Variants in GNAQ observed in about 807,000 individuals in gnomAD.
The protein encoded by GNAQ is guanine nucleotide-binding protein G(q) subunit alpha.
Under a neutral mutation model 43.9 loss-of-function variants are expected in GNAQ, and 8 were observed. The ratio of observed to expected loss-of-function variants is 0.18; its 90% CI spans 0.11 to 0.33. GNAQ has a LOEUF of 0.33. Among genes scored for constraint, GNAQ ranks in the 10% least tolerant of loss-of-function variants. The probability of loss-of-function intolerance (pLI) is 1.00; values close to 1 mark genes in which losing one functional copy is unlikely to be tolerated. For synonymous variants in GNAQ, 155 were observed against 170.7 expected (o/e 0.91, Z 0.71); for missense variants, 158 against 450.8 (o/e 0.35, Z 5.88).
chr9:77,907,225 T>C (rs58551108), intron 2 of GNAQ, among the ~76,000 whole-genome samples: 6,997 of 152,188 alleles, frequency 0.046, 577 homozygotes, highest in African/African-American at 0.16. Context: ...GAGTTGTGCA[T>C]TTCATTATCC....
intron 1 of GNAQ, among the ~76,000 whole-genome samples, chr9:77,970,941 G>A (rs1823230191): frequency 6.6e-6 from 1 of 151,852 alleles, no homozygotes; most frequent in African/African-American, 2.4e-5. Context: ...AATGATAAAG[G>A]GGATATCACC....
chr9:77,796,748 T>C (rs1272266494), intron 4 of GNAQ, among the ~76,000 whole-genome samples: 1 of 152,194 alleles, frequency 6.6e-6, no homozygotes, highest in Non-Finnish European at 1.5e-5. Context: ...TTCTTGCTAC[T>C]GAAAAATTTT....
intron 1 of GNAQ, among the ~76,000 whole-genome samples, chr9:77,946,592 A>C (rs564204331): frequency 1.5e-4 from 23 of 152,328 alleles, no homozygotes; most frequent in African/African-American, 5.1e-4. Flanking sequence ...TGACTGCTGG[A>C]AAAACCAGTC....
intron 2 of GNAQ, among the ~76,000 whole-genome samples, chr9:77,888,962 C>G (rs1828354892): frequency 6.6e-6 from 1 of 152,104 alleles, no homozygotes; most frequent in African/African-American, 2.4e-5. Context: ...TTCATTCTTC[C>G]CATAAGCTTG....
chr9:77,783,158 G>A (rs931439779), intron 5 of GNAQ, among the ~76,000 whole-genome samples: 5 of 152,216 alleles, frequency 3.3e-5, no homozygotes, highest in Non-Finnish European at 7.3e-5. Context: ...ATGTATATAT[G>A]TAGTTTCATG....
chr9:77,787,205 A>G (rs1340070469), intron 5 of GNAQ, among the ~76,000 whole-genome samples: 2 of 152,224 alleles, frequency 1.3e-5, no homozygotes, highest in African/African-American at 2.4e-5. Flanking sequence ...AAACAATGGT[A>G]TTTAGGGAAG....
At position 77,826,773 on chromosome 9, in the gene GNAQ, C is replaced by T. The variant is rs138232063; in HGVS notation, c.322-11003G>A. 3.6e-3 allele frequency among the ~76,000 whole-genome samples: 542 copies of T among 152,224 alleles called. 1 individual carries two copies. The highest frequency in any genetic ancestry group is 5.9e-3 in the Non-Finnish European group (404 of 68,006). ...TAAAGTTTAAATGTAATAATATATA[C>T]AAAACAGTATAGTAATAGGCACACA... is the stretch of plus-strand genomic sequence containing the variant. On this transcript the variant is annotated intron_variant, in intron 2 of 6. Transcript: ENST00000286548.
intron 5 of GNAQ, among the ~76,000 whole-genome samples, chr9:77,754,898 A>T (rs142556305): frequency 2.2e-3 from 333 of 152,380 alleles, no homozygotes; most frequent in African/African-American, 6.6e-3. Context: ...CAAAAGAAGG[A>T]AAATCAGTGT....
chr9:77,817,775 T>TA (rs1564119583), intron 2 of GNAQ, among the ~76,000 whole-genome samples: 1 of 152,176 alleles, frequency 6.6e-6, no homozygotes, highest in Non-Finnish European at 1.5e-5. Flanking sequence ...TGCAGTTACA[T>TA]ACGCACATGA....
chr9:77,929,449 T>C (rs928858495), intron 1 of GNAQ, among the ~76,000 whole-genome samples: 3 of 152,348 alleles, frequency 2.0e-5, no homozygotes, highest in Admixed American at 6.5e-5. Context: ...TTATAGAAAA[T>C]TATTTTAAAA....
At chr9:77,774,063 A>T (rs1255491773) in intron 5 of GNAQ, among the ~76,000 whole-genome samples, 1 of 152,124 alleles carries the variant, frequency 6.6e-6, no homozygotes, top group Non-Finnish European at 1.5e-5. Context: ...AAATTTGGCC[A>T]CCAAAGTGGT....
At chr9:77,752,546 G>A (rs1379603754) in intron 5 of GNAQ, among the ~76,000 whole-genome samples, 1 of 152,178 alleles carries the variant, frequency 6.6e-6, no homozygotes, top group Non-Finnish European at 1.5e-5. Flanking sequence ...ACCTGCAGAG[G>A]TTAAGTAACT....
At chr9:77,903,076 T>TCTCA (rs1456063010) in intron 2 of GNAQ, among the ~76,000 whole-genome samples, 1 of 152,104 alleles carries the variant, frequency 6.6e-6, no homozygotes, top group African/African-American at 2.4e-5. Flanking sequence ...GTGCCTGGTA[T>TCTCA]CTCAGCTAAT....
intron 2 of GNAQ, among the ~76,000 whole-genome samples, chr9:77,869,291 T>C (rs973595937): frequency 4.6e-5 from 7 of 152,186 alleles, no homozygotes; most frequent in African/African-American, 1.7e-4. Context: ...TCTCTGCTTC[T>C]TCAATTTTGA....
intron 2 of GNAQ, among the ~76,000 whole-genome samples, chr9:77,894,585 G>A (rs1828469657): frequency 6.7e-6 from 1 of 150,218 alleles, no homozygotes; most frequent in African/African-American, 2.4e-5. Flanking sequence ...ACCATGCCCA[G>A]CTAATTTTTG....
intron 2 of GNAQ, among the ~76,000 whole-genome samples, chr9:77,881,203 C>G (rs1002693634): frequency 6.6e-6 from 1 of 152,134 alleles, no homozygotes; most frequent in African/African-American, 2.4e-5. Flanking sequence ...GCACCCCCCC[C>G]AAAACGGGCA....
chr9:78,028,087 T>C (rs114722993), intron 1 of GNAQ, among the ~76,000 whole-genome samples: 1,529 of 152,264 alleles, frequency 0.01, 18 homozygotes, highest in African/African-American at 0.034. Flanking sequence ...AAAGAAAATA[T>C]GTGCTTTATA....
intron 5 of GNAQ, among the ~76,000 whole-genome samples, chr9:77,787,315 G>T (rs1826496188): frequency 1.3e-5 from 2 of 152,188 alleles, no homozygotes; most frequent in South Asian, 4.1e-4. Context: ...TGGTAGGAGA[G>T]GGCACTTGCA....
In GNAQ at chr9:77,790,689, T is replaced by C. The variant is rs1826554110; in HGVS notation, c.735+3774A>G. ...CCTCTTTGCTGCCTTATAGCTCCTC[T>C]TGCTTTTTCTTTAAGTTTGTCTCTA... On this transcript the variant is annotated intron_variant, in intron 5 of 6. Transcript: ENST00000286548. 2.0e-5 allele frequency among the ~76,000 whole-genome samples: 3 copies of C among 152,210 alleles called. No homozygotes were observed. In the South Asian group the frequency reaches 6.2e-4, roughly 32 times the overall value.
Sources: gnomAD v4.1 joint callset for allele counts (sites outside exome capture counted in the v4.1 genomes callset) on GRCh38, gnomAD v4.1.1 for gene constraint, MANE v1.5 for transcripts, NCBI Gene and HGNC (gene_info 2026-07-23, HGNC 2026-07-21) for gene names.